SLC16A7: variants seen among roughly 807,000 people sequenced by gnomAD.
The protein encoded by SLC16A7 is solute carrier family 16 member 7.
In SLC16A7, 33 loss-of-function variants were observed where a neutral mutation model predicts 34.9. That is an observed-to-expected ratio of 0.94 (90% CI 0.72 to 1.26). The LOEUF (loss-of-function observed/expected upper bound fraction) is 1.26. Ranked by LOEUF, SLC16A7 falls within the 50% of genes most tolerant of loss-of-function variation. The pLI, the probability that SLC16A7 is intolerant of heterozygous loss-of-function variation, is 0.00. For synonymous variants in SLC16A7, 201 were observed against 206.6 expected (o/e 0.97, Z 0.23); for missense variants, 573 against 578.1 (o/e 0.99, Z 0.09).
At chr12:59,632,397 A>G (rs996357929) in intron 1 of SLC16A7, among the ~76,000 whole-genome samples, 1 of 151,940 alleles carries the variant, frequency 6.6e-6, no homozygotes, top group Non-Finnish European at 1.5e-5. Context: ...AATATTTCAG[A>G]TGGGATAATT....
intron 1 of SLC16A7, among the ~76,000 whole-genome samples, chr12:59,598,211 C>G (rs1878515564): frequency 6.6e-6 from 1 of 152,202 alleles, no homozygotes; most frequent in Non-Finnish European, 1.5e-5. Flanking sequence ...TGGTTCTGCA[C>G]TTTTGTAAGG....
At chr12:59,646,085 G>A (rs577847560) in intron 1 of SLC16A7, among the ~76,000 whole-genome samples, 3 of 152,104 alleles carry the variant, frequency 2.0e-5, no homozygotes, top group African/African-American at 4.8e-5. Flanking sequence ...CTAACAATAC[G>A]ATAGAAAAGA....
intron 2 of SLC16A7, among the ~76,000 whole-genome samples, chr12:59,694,179 C>T (rs547154902): frequency 1.1e-4 from 17 of 152,000 alleles, no homozygotes; most frequent in African/African-American, 4.1e-4. Context: ...ATTAAAGCTA[C>T]TTTTGTAGGG....
At chr12:59,715,669 C>G (rs1874817913) in intron 3 of SLC16A7, among the ~76,000 whole-genome samples, 1 of 152,184 alleles carries the variant, frequency 6.6e-6, no homozygotes, top group South Asian at 2.1e-4. Context: ...CCACTCTGCA[C>G]ATAGCCACCA....
At chr12:59,621,667 A>T (rs917370704) in intron 1 of SLC16A7, among the ~76,000 whole-genome samples, 2 of 151,882 alleles carry the variant, frequency 1.3e-5, no homozygotes, top group African/African-American at 4.8e-5. Flanking sequence ...GCATACAAAC[A>T]TTATTTTTTA....
At chr12:59,669,238 A>T (rs1322164180) in intron 2 of SLC16A7, among the ~76,000 whole-genome samples, 1 of 152,342 alleles carries the variant, frequency 6.6e-6, no homozygotes, top group East Asian at 1.9e-4. Context: ...ATATAAATAC[A>T]TGTGAATCAT....
chr12:59,624,286 G>A (rs945060704), intron 1 of SLC16A7, among the ~76,000 whole-genome samples: 8 of 151,156 alleles, frequency 5.3e-5, no homozygotes, highest in South Asian at 4.2e-4. Context: ...ATTTGCTCTC[G>A]TTTTTTTCTT....
At chr12:59,764,182 G>A (rs1881301995) in intron 3 of SLC16A7, 1 of 152,248 alleles carries the variant, frequency 6.6e-6, no homozygotes, top group African/African-American at 2.4e-5. Context: ...AGTGAAGAAA[G>A]TTTTAGAAGT....
chr12:59,599,906 C>A (rs1592375925), intron 1 of SLC16A7, among the ~76,000 whole-genome samples: 1 of 152,180 alleles, frequency 6.6e-6, no homozygotes, highest in African/African-American at 2.4e-5. Context: ...GCTACATGGT[C>A]TTTGAGAGTA....
chr12:59,631,904 G>C (rs1880200275), intron 1 of SLC16A7, among the ~76,000 whole-genome samples: 1 of 152,038 alleles, frequency 6.6e-6, no homozygotes, highest in South Asian at 2.1e-4. Context: ...ATTAGTGTGT[G>C]TGTATTTGTG....
chr12:59,612,213 T>A (rs1879229805), intron 1 of SLC16A7, among the ~76,000 whole-genome samples: 2 of 152,220 alleles, frequency 1.3e-5, no homozygotes, highest in Admixed American at 1.3e-4. Flanking sequence ...TCCTTTGAAA[T>A]CTAGGCAGAG....
At chr12:59,703,415 A>C (rs549146073) in intron 2 of SLC16A7, among the ~76,000 whole-genome samples, 2 of 152,234 alleles carry the variant, frequency 1.3e-5, no homozygotes, top group Admixed American at 1.3e-4. Context: ...CTGCTTTTTA[A>C]AAAATAAACA....
intron 1 of SLC16A7, among the ~76,000 whole-genome samples, chr12:59,641,023 C>A (rs1007276622): frequency 5.9e-5 from 9 of 151,844 alleles, no homozygotes; most frequent in African/African-American, 1.9e-4. Flanking sequence ...ATTTATATGT[C>A]TATACATACA....
In SLC16A7 at chr12:59,771,375, G is replaced by A; in HGVS notation, c.361+13G>A. 1 of 1,558,604 alleles carries A rather than the reference G, an allele frequency of 6.4e-7. No individual in the cohort carries two copies. Among genetic ancestry groups the A allele is most frequent in the Non-Finnish European group, 8.7e-7 (1 of 1,150,480 alleles). On this transcript the variant is annotated intron_variant, in intron 4 of 5. Coordinates refer to ENST00000547379, the MANE Select transcript of SLC16A7 (RefSeq NM_001270623.2). ...GGATTCATTACAGGTAAGCCATTTA[G>A]TCTTCAGCTTATTCTTAACTCTTCT...
rs1883508110 is a variant in SLC16A7 at position 59,784,954 on chromosome 12, A to G, written c.*5275A>G. 1.3e-5 allele frequency: 2 copies of G among 152,164 alleles called. No homozygotes were observed. Among genetic ancestry groups the G allele is most frequent in the African/African-American group, 4.8e-5 (2 of 41,452 alleles). 9.4% of individuals were successfully genotyped at this position (152,164 alleles called of 1,614,324 possible). On this transcript the variant is annotated 3_prime_UTR_variant, in exon 6 of 6. Transcript: ENST00000547379. ...GTGACATCACTGATACATCATACCA[A>G]CAAGATTTCTAACCACAACCATTCA...
At chr12:59,743,545 T>C (rs1878560657) in intron 3 of SLC16A7, among the ~76,000 whole-genome samples, 2 of 152,296 alleles carry the variant, frequency 1.3e-5, no homozygotes, top group South Asian at 4.1e-4. Context: ...AGATGCTCAG[T>C]AAATATGTGG....
At position 59,704,205 on chromosome 12, in the gene SLC16A7, AAAAAAAAAAAAAAGAAAAAG is replaced by A. The variant is rs1235082903; in HGVS notation, c.-30-556_-30-537del. Among the ~76,000 whole-genome samples the A allele has an allele frequency of 1.0e-3, 147 of 146,606 alleles. 1 individual carries two copies. Among genetic ancestry groups the A allele is most frequent in the Middle Eastern group, 6.9e-3 (2 of 290 alleles). On this transcript the variant is annotated intron_variant, in intron 2 of 5. Coordinates refer to ENST00000547379, the MANE Select transcript of SLC16A7 (RefSeq NM_001270623.2). ...ACAGAGTGAGACTCTGTCTCAAAAAAAAAAAAAAAAAAAGAAAAAGAAAAAAAAAAGAAAAAGAAAAAAGT... is the reference window on the plus strand; with the variant it reads ...ACAGAGTGAGACTCTGTCTCAAAAAAAAAAAAAAAAGAAAAAGAAAAAAGT...
At chr12:59,601,639 C>T (rs780467499) in intron 1 of SLC16A7, among the ~76,000 whole-genome samples, 26 of 152,240 alleles carry the variant, frequency 1.7e-4, no homozygotes, top group Non-Finnish European at 3.7e-4. Context: ...CGATAACAAA[C>T]TATAGACAGA....
chr12:59,774,318 G>A (rs1449888607), intron 4 of SLC16A7, among the ~76,000 whole-genome samples: 1 of 152,108 alleles, frequency 6.6e-6, no homozygotes, highest in Non-Finnish European at 1.5e-5. Flanking sequence ...CAAGAGGAAA[G>A]GATCTGAGGA....
Sources: gnomAD v4.1 joint callset for allele counts (sites outside exome capture counted in the v4.1 genomes callset) on GRCh38, gnomAD v4.1.1 for gene constraint, MANE v1.5 for transcripts, NCBI Gene and HGNC (gene_info 2026-07-23, HGNC 2026-07-21) for gene names.